Variants in CDH18 observed in about 807,000 individuals in gnomAD.
The protein encoded by CDH18 is cadherin-18.
In CDH18, 31 loss-of-function variants were observed where a neutral mutation model predicts 67.9. That is an observed-to-expected ratio of 0.46 (90% CI 0.34 to 0.62). The LOEUF (loss-of-function observed/expected upper bound fraction) is 0.62. CDH18 is among the 20% of genes least tolerant of loss of function. The pLI, the probability that CDH18 is intolerant of heterozygous loss-of-function variation, is 0.01. For synonymous variants in CDH18, 362 were observed against 347.2 expected (o/e 1.04, Z -0.48); for missense variants, 890 against 975.5 (o/e 0.91, Z 1.17).
intron 9 of CDH18, among the ~76,000 whole-genome samples, chr5:19,524,894 C>T (rs1421201006): frequency 1.3e-5 from 2 of 152,036 alleles, no homozygotes; most frequent in East Asian, 3.9e-4. Flanking sequence ...TACAGGCGCC[C>T]GCCACCACGC....
chr5:19,539,211 G>A (rs1443466954), intron 9 of CDH18, among the ~76,000 whole-genome samples: 1 of 152,066 alleles, frequency 6.6e-6, no homozygotes, highest in East Asian at 1.9e-4. Context: ...TCATTGAGGT[G>A]TTCTCCAAGG....
At chr5:20,026,584 G>T (rs1017054940) in intron 2 of CDH18, among the ~76,000 whole-genome samples, 1 of 152,008 alleles carries the variant, frequency 6.6e-6, no homozygotes, top group African/African-American at 2.4e-5. Flanking sequence ...GCCATATTTT[G>T]GTCAAAATCA....
At chr5:19,842,028 G>T (rs897620731) in intron 2 of CDH18, among the ~76,000 whole-genome samples, 1 of 152,142 alleles carries the variant, frequency 6.6e-6, no homozygotes, top group Non-Finnish European at 1.5e-5. Flanking sequence ...CTGCATTACT[G>T]CAAGAAATCC....
At chr5:20,510,517 C>A (rs1170168991) in intron 1 of CDH18, among the ~76,000 whole-genome samples, 2 of 151,950 alleles carry the variant, frequency 1.3e-5, no homozygotes, top group African/African-American at 4.8e-5. Context: ...TAAAGATTTT[C>A]TTTGATGCGA....
At chr5:19,834,165 T>TA (rs1367127384) in intron 3 of CDH18, among the ~76,000 whole-genome samples, 4 of 151,326 alleles carry the variant, frequency 2.6e-5, no homozygotes, top group Non-Finnish European at 5.9e-5. Flanking sequence ...TTTTTTTTTT[T>TA]TTATTGGTAG....
chr5:19,700,584 G>A (rs1266689094), intron 5 of CDH18, among the ~76,000 whole-genome samples: 1 of 152,146 alleles, frequency 6.6e-6, no homozygotes, highest in Admixed American at 6.5e-5. Flanking sequence ...TGAGCAGAAA[G>A]CACTCTCTTT....
chr5:19,961,017 A>G (rs760994547), intron 2 of CDH18, among the ~76,000 whole-genome samples: 1 of 151,340 alleles, frequency 6.6e-6, no homozygotes, highest in African/African-American at 2.4e-5. Flanking sequence ...CATCATCACC[A>G]CAAACGTGAG....
At chr5:20,124,077 G>A (rs1580297055) in intron 2 of CDH18, among the ~76,000 whole-genome samples, 1 of 152,058 alleles carries the variant, frequency 6.6e-6, no homozygotes, top group Non-Finnish European at 1.5e-5. Flanking sequence ...CTGTTCCCAT[G>A]GGGGAAATCA....
chr5:20,095,508 A>T (rs958325758), intron 2 of CDH18, among the ~76,000 whole-genome samples: 1,561 of 127,068 alleles, frequency 0.012, 28 homozygotes, highest in Non-Finnish European at 0.02. Context: ...GGAGGGAGGG[A>T]GGATGGAAGG....
intron 2 of CDH18, among the ~76,000 whole-genome samples, chr5:19,915,666 A>G (rs1184861472): frequency 2.6e-5 from 4 of 151,890 alleles, no homozygotes; most frequent in African/African-American, 9.7e-5. Flanking sequence ...ATTATACTGA[A>G]TTTATAACAT....
chr5:19,609,226 G>A (rs1227195458), intron 6 of CDH18, among the ~76,000 whole-genome samples: 1 of 151,886 alleles, frequency 6.6e-6, no homozygotes, highest in African/African-American at 2.4e-5. Flanking sequence ...TGTGTACTTT[G>A]AGTAGAATTT....
In CDH18 at chr5:20,419,842, G is replaced by A. The variant is rs550761188; in HGVS notation, c.-580+155620C>T. On this transcript the variant is annotated intron_variant, in intron 1 of 14. Coordinates refer to the CDH18 transcript ENST00000507958. The stretch of plus-strand genomic sequence containing the variant: ...CATATATATCTTGTAAATATAAATG[G>A]GTAGACAAGGTCTATCCACTTTCAT... Among the ~76,000 whole-genome samples the A allele has an allele frequency of 5.3e-5, 8 of 150,596 alleles. No individual in the cohort carries two copies. In the South Asian group the frequency reaches 1.5e-3, roughly 27 times the overall value.
intron 8 of CDH18, among the ~76,000 whole-genome samples, chr5:19,547,330 C>T (rs989867385): frequency 6.6e-6 from 1 of 152,154 alleles, no homozygotes; most frequent in African/African-American, 2.4e-5. Flanking sequence ...AAATCAGCTT[C>T]TGTATCTGAA....
intron 3 of CDH18, among the ~76,000 whole-genome samples, chr5:19,787,549 C>T (rs1775938184): frequency 6.6e-6 from 1 of 151,860 alleles, no homozygotes; most frequent in Non-Finnish European, 1.5e-5. Flanking sequence ...GCATGTGTTT[C>T]CATAGGAAGG....
At chr5:19,755,532 G>A (rs1771487002) in intron 3 of CDH18, among the ~76,000 whole-genome samples, 1 of 61,622 alleles carries the variant, frequency 1.6e-5, no homozygotes, top group Non-Finnish European at 5.2e-5. Flanking sequence ...TGCCCTGTTA[G>A]TTTTATATTT....
At chr5:20,010,328 G>T (rs1477721330) in intron 2 of CDH18, among the ~76,000 whole-genome samples, 1 of 151,960 alleles carries the variant, frequency 6.6e-6, no homozygotes, top group East Asian at 1.9e-4. Flanking sequence ...TCCTGCCTCA[G>T]CCTCCAGAGT....
chr5:20,309,716 A>G (rs1736820516), intron 1 of CDH18, among the ~76,000 whole-genome samples: 1 of 152,128 alleles, frequency 6.6e-6, no homozygotes, highest in African/African-American at 2.4e-5. Flanking sequence ...ATTATAGTCA[A>G]CTCATATTAA....
Position 20,234,273 on chromosome 5 carries a change from T to C in CDH18, c.-518+21171A>G, listed in dbSNP as rs114089686. ...TATTCATTTTCTCTTGAATATTTCT[T>C]CAGTCATATTCTCTCTAATACCTCC... On this transcript the variant is annotated intron_variant, in intron 2 of 14. Coordinates refer to the CDH18 transcript ENST00000507958. Among the ~76,000 whole-genome samples, 156 of 152,296 alleles carry C rather than the reference T, an allele frequency of 1.0e-3. 1 individual carries two copies. Among genetic ancestry groups the C allele is most frequent in the African/African-American group, 3.6e-3 (150 of 41,570 alleles).
chr5:20,479,741 A>T (rs1581079037), intron 1 of CDH18, among the ~76,000 whole-genome samples: 1 of 152,200 alleles, frequency 6.6e-6, no homozygotes, highest in East Asian at 1.9e-4. Flanking sequence ...GAATAGTAAC[A>T]AAGAAATTTT....
Sources: allele counts gnomAD v4.1 joint callset (sites outside exome capture counted in the v4.1 genomes callset), GRCh38; gene constraint gnomAD v4.1.1; transcripts MANE v1.5; gene names NCBI Gene and HGNC (gene_info 2026-07-23, HGNC 2026-07-21).